The following CFAP77 variants were observed in gnomAD, a reference collection of about 807,000 sequenced individuals.
The protein encoded by CFAP77 is cilia- and flagella-associated protein 77.
CFAP77 carries 25 observed loss-of-function variants against 31.1 expected under a neutral mutation model. The ratio of observed to expected loss-of-function variants is 0.80; its 90% CI spans 0.59 to 1.12. The LOEUF (loss-of-function observed/expected upper bound fraction) is 1.12, where lower values mean the gene tolerates loss of function less well. CFAP77 is among the 50% of genes most tolerant of loss of function. CFAP77 has a pLI of 0.00. For synonymous variants in CFAP77, 151 were observed against 159.9 expected, an observed-to-expected ratio of 0.94 and a Z score of 0.42; for missense variants, 377 against 397.3, an observed-to-expected ratio of 0.95 and a Z score of 0.44.
intron 3 of CFAP77, among the ~76,000 whole-genome samples, chr9:132,524,437 T>TAA (rs1297407194): frequency 3.4e-5 from 5 of 147,162 alleles, no homozygotes; most frequent in African/African-American, 1.2e-4. Context: ...CTGTCTCTAC[T>TAA]AAAAAAAAAA....
At chr9:132,447,127 A>G (rs893478447) in intron 1 of CFAP77, among the ~76,000 whole-genome samples, 4 of 152,154 alleles carry the variant, frequency 2.6e-5, no homozygotes, top group Non-Finnish European at 5.9e-5. Flanking sequence ...GTCTTAGGGT[A>G]AAGCAGGAGA....
chr9:132,473,747 G>A (rs1851302020), intron 1 of CFAP77, among the ~76,000 whole-genome samples: 1 of 152,144 alleles, frequency 6.6e-6, no homozygotes, highest in Non-Finnish European at 1.5e-5. Context: ...GCAATGGTGC[G>A]ATCTCAGCTC....
At chr9:132,466,363 A>G (rs751599239) in intron 1 of CFAP77, among the ~76,000 whole-genome samples, 5 of 152,192 alleles carry the variant, frequency 3.3e-5, no homozygotes, top group Non-Finnish European at 7.3e-5. Context: ...ACACACATTC[A>G]GGTCAGCTGC....
At chr9:132,536,882 T>A (rs1158692082) in intron 3 of CFAP77, among the ~76,000 whole-genome samples, 1 of 152,188 alleles carries the variant, frequency 6.6e-6, no homozygotes, top group African/African-American at 2.4e-5. Context: ...ATCTGTAAGA[T>A]GGGAATAATA....
At chr9:132,415,955 A>G (rs1850087689) in intron 1 of CFAP77, among the ~76,000 whole-genome samples, 1 of 152,256 alleles carries the variant, frequency 6.6e-6, no homozygotes, top group African/African-American at 2.4e-5. Flanking sequence ...TCAAATGCTA[A>G]CAATGGAGAC....
Position 132,498,516 on chromosome 9 carries a change from C to A in CFAP77, c.196-179C>A, listed in dbSNP as rs1851782212. 6.6e-6 allele frequency among the ~76,000 whole-genome samples: 1 copy of A among 152,184 alleles called. No homozygotes were observed. Among genetic ancestry groups the A allele is most frequent in the South Asian group, 2.1e-4 (1 of 4,830 alleles). On this transcript the variant is annotated intron_variant, in intron 1 of 5. Transcript: ENST00000393216. This position sits in a 1 kb window ranked among gnomAD's most constrained non-coding sequence, Gnocchi z 4.2. ...CCCGCTTCTGCTGTGTGACCCTGTG[C>A]CAGCCACAGCCTGCGCTCCTCCCAG...
intron 1 of CFAP77, among the ~76,000 whole-genome samples, chr9:132,494,200 C>T (rs767652551): frequency 2.6e-5 from 4 of 152,194 alleles, no homozygotes; most frequent in Non-Finnish European, 5.9e-5. Context: ...GCGTGAGCCA[C>T]CACACCTGGC....
At chr9:132,417,528 C>T (rs1850125639) in intron 1 of CFAP77, among the ~76,000 whole-genome samples, 1 of 152,194 alleles carries the variant, frequency 6.6e-6, no homozygotes, top group African/African-American at 2.4e-5. Context: ...GTATAGATGC[C>T]AGGTTGGAGC....
At chr9:132,423,044 G>A (rs1160233518) in intron 1 of CFAP77, among the ~76,000 whole-genome samples, 5 of 152,208 alleles carry the variant, frequency 3.3e-5, no homozygotes, top group East Asian at 1.9e-4. Flanking sequence ...GAGCAATTCC[G>A]GGGAGTCCCT....
chr9:132,521,936 A>C (rs1406761876), intron 3 of CFAP77, among the ~76,000 whole-genome samples: 1 of 152,050 alleles, frequency 6.6e-6, no homozygotes, highest in Non-Finnish European at 1.5e-5. Context: ...TAATTTTTGC[A>C]TTCTTAGTAG....
At chr9:132,556,630 G>A (rs1038764728) in intron 5 of CFAP77, among the ~76,000 whole-genome samples, 3 of 152,294 alleles carry the variant, frequency 2.0e-5, no homozygotes, top group Admixed American at 2.0e-4. Flanking sequence ...CAGCTTGGGG[G>A]AGCCGGGCTG....
intron 3 of CFAP77, among the ~76,000 whole-genome samples, chr9:132,502,079 C>T (rs905626479): frequency 1.6e-4 from 24 of 152,254 alleles, no homozygotes; most frequent in African/African-American, 5.8e-4. Context: ...TCTTGCAATC[C>T]GAAGCCCCGT....
Position 132,410,573 on chromosome 9 carries a change from C to T in CFAP77, c.195+107C>T, listed in dbSNP as rs1030315375. On this transcript the variant is annotated intron_variant, in intron 1 of 5. Transcript: ENST00000393216. ...CTGGCCCCGCGGCCCGGGGTCCGAG[C>T]GCAGCGTGGGAAGCTCCAGCTCTGG... The T allele has an allele frequency of 4.7e-5, 47 of 999,328 alleles. No homozygotes were observed. In the African/African-American group the frequency reaches 7.0e-4, roughly 15 times the overall value. 61.9% of individuals were successfully genotyped at this position (999,328 alleles called of 1,614,324 possible).
At chr9:132,464,463 G>A (rs1851117240) in intron 1 of CFAP77, among the ~76,000 whole-genome samples, 1 of 152,120 alleles carries the variant, frequency 6.6e-6, no homozygotes, top group African/African-American at 2.4e-5. Flanking sequence ...AACAATGCAA[G>A]CCTTGTGCAA....
chr9:132,519,889 T>A (rs1238187670), intron 3 of CFAP77, among the ~76,000 whole-genome samples: 1 of 148,356 alleles, frequency 6.7e-6, no homozygotes, highest in Non-Finnish European at 1.5e-5. Context: ...GATGGATAGG[T>A]GGATGGATGG....
intron 5 of CFAP77, among the ~76,000 whole-genome samples, chr9:132,572,169 G>A: frequency 6.6e-6 from 1 of 152,146 alleles, no homozygotes; most frequent in Middle Eastern, 3.2e-3. Flanking sequence ...CCCCAGCAAG[G>A]AGCTGGACAG....
chr9:132,493,628 C>T (rs1851686572), intron 1 of CFAP77, among the ~76,000 whole-genome samples: 1 of 152,142 alleles, frequency 6.6e-6, no homozygotes, highest in African/African-American at 2.4e-5. Flanking sequence ...ACCTAAAGCC[C>T]CCGGTGCTAT....
At position 132,498,312 on chromosome 9, in the gene CFAP77, T is replaced by G. The variant is rs1469046536; in HGVS notation, c.196-383T>G. 2.0e-5 allele frequency among the ~76,000 whole-genome samples: 3 copies of G among 152,074 alleles called. No individual in the cohort carries two copies. Among genetic ancestry groups the G allele is most frequent in the African/African-American group, 4.8e-5 (2 of 41,390 alleles). On this transcript the variant is annotated intron_variant, in intron 1 of 5. Coordinates refer to ENST00000393216, the MANE Select transcript of CFAP77 (RefSeq NM_001282957.2). This position sits in a 1 kb window ranked among gnomAD's most constrained non-coding sequence, Gnocchi z 4.2. ...GATGTCTCCTTCCTTCGACGGGGCC[T>G]CCAGATGAGGCCTCCTGAACTGGGT...
In CFAP77 at chr9:132,525,316, G is replaced by C. The variant is rs189699560; in HGVS notation, c.525-12285G>C. Among the ~76,000 whole-genome samples, 5 of 152,180 alleles carry C rather than the reference G, an allele frequency of 3.3e-5. No homozygotes were observed. The East Asian group carries it at 9.6e-4, about 29-fold the overall frequency. ...ATTACAGGTGTGAGCCACCACGCTC[G>C]GCCCCAGTATGATAGTAATTTTAAA... On this transcript the variant is annotated intron_variant, in intron 3 of 5. Coordinates refer to ENST00000393216, the MANE Select transcript of CFAP77 (RefSeq NM_001282957.2).
Sources: allele counts gnomAD v4.1 joint callset (sites outside exome capture counted in the v4.1 genomes callset), GRCh38; gene constraint gnomAD v4.1.1; non-coding constraint Gnocchi (gnomAD v3.1); transcripts MANE v1.5; gene names NCBI Gene and HGNC (gene_info 2026-07-23, HGNC 2026-07-21).